Variants in PLCH1 observed in about 807,000 individuals in gnomAD.
The protein encoded by PLCH1 is phospholipase C eta 1.
PLCH1 carries 60 observed loss-of-function variants against 126.7 expected under a neutral mutation model. That is an observed-to-expected ratio of 0.47 (90% CI 0.38 to 0.59). The LOEUF (loss-of-function observed/expected upper bound fraction) is 0.59. Ranked by LOEUF, PLCH1 falls within the 20% of genes least tolerant of loss-of-function variation. PLCH1 has a pLI of 0.00. For synonymous variants in PLCH1, 719 were observed against 734.9 expected, an observed-to-expected ratio of 0.98 and a Z score of 0.35; for missense variants, 1,723 against 2,040.0, an observed-to-expected ratio of 0.84 and a Z score of 2.99.
intron 2 of PLCH1, among the ~76,000 whole-genome samples, chr3:155,688,458 A>C (rs561369361): frequency 2.0e-5 from 3 of 152,322 alleles, no homozygotes; most frequent in Admixed American, 6.5e-5. Context: ...GCAGAACAGA[A>C]GCCTACACCA....
intron 21 of PLCH1, among the ~76,000 whole-genome samples, chr3:155,453,088 TC>T (rs1712349348): frequency 6.6e-6 from 1 of 152,140 alleles, no homozygotes; most frequent in Non-Finnish European, 1.5e-5. Context: ...AGAAGAGCCC[TC>T]CTCACACCCA....
In PLCH1 at chr3:155,488,656, C is replaced by A; in HGVS notation, c.2539+4G>T. On this transcript the variant is annotated splice_donor_region_variant and intron_variant, in intron 20 of 22. Transcript: ENST00000460012. ...CTAGAGAGAAAAGGCCAGCTCATAC[C>A]TACCAGGCACTAAGCTGCTGAAGGT... 1.2e-6 allele frequency: 2 copies of A among 1,608,698 alleles called. No homozygotes were observed. The highest frequency in any genetic ancestry group is 1.7e-6 in the Non-Finnish European group (2 of 1,178,074).
chr3:155,505,512 G>T (rs1306095719), intron 12 of PLCH1, among the ~76,000 whole-genome samples: 2 of 152,172 alleles, frequency 1.3e-5, no homozygotes, highest in Non-Finnish European at 2.9e-5. Flanking sequence ...ATAAATGTGG[G>T]TGAGAAAAAA....
At chr3:155,640,462 G>A (rs933872914) in intron 2 of PLCH1, among the ~76,000 whole-genome samples, 2 of 152,302 alleles carry the variant, frequency 1.3e-5, no homozygotes, top group East Asian at 1.9e-4. Flanking sequence ...AGTGACCCAC[G>A]ATGGGATACT....
intron 2 of PLCH1, among the ~76,000 whole-genome samples, chr3:155,660,789 T>C (rs1459998670): frequency 6.6e-6 from 1 of 152,228 alleles, no homozygotes; most frequent in Non-Finnish European, 1.5e-5. Context: ...GAAAAATCCC[T>C]TGTTGAAAAA....
At chr3:155,598,528 G>A (rs1197513254) in intron 2 of PLCH1, among the ~76,000 whole-genome samples, 1 of 152,124 alleles carries the variant, frequency 6.6e-6, no homozygotes, top group Non-Finnish European at 1.5e-5. Flanking sequence ...ATTTCATAAG[G>A]TGAAGCAAAG....
Position 155,594,009 on chromosome 3 carries a change from G to A in PLCH1, c.402C>T (p.Gly134=). The change falls in exon 4 of 23, where the codon GGC becomes GGT. Residue 134 remains glycine (G), a synonymous_variant. Transcript: ENST00000460012. ...NPEEARTWIT[G]LKYLMAGISD... ...TGATGCCAGCCATCAGGTACTTGAG[G>A]CCTGTGATCCAGGTGCGGGCCTCCT... 2 of 1,614,028 alleles carry A rather than the reference G, an allele frequency of 1.2e-6. No homozygotes were observed. Among genetic ancestry groups the A allele is most frequent in the South Asian group, 2.2e-5 (2 of 91,072 alleles).
At chr3:155,475,122 C>T (rs1054574863), downstream of PLCH1, among the ~76,000 whole-genome samples, 15 of 150,820 alleles carry the variant, frequency 9.9e-5, no homozygotes. Context: ...AGCATCTTCT[C>T]TGAGCACAAT....
chr3:155,687,114 T>G (rs1366239415), intron 2 of PLCH1, among the ~76,000 whole-genome samples: 2 of 152,106 alleles, frequency 1.3e-5, no homozygotes, highest in African/African-American at 2.4e-5. Context: ...ATTTCAAAAA[T>G]GTAGCAAAGC....
intron 1 of PLCH1, among the ~76,000 whole-genome samples, chr3:155,707,397 C>A (rs358727): frequency 6.6e-6 from 1 of 151,958 alleles, no homozygotes; most frequent in Non-Finnish European, 1.5e-5. Flanking sequence ...ATAGAAACAG[C>A]GAAAGACAAG....
intron 10 of PLCH1, among the ~76,000 whole-genome samples, chr3:155,529,131 G>T (rs775911204): frequency 1.8e-4 from 27 of 152,288 alleles, no homozygotes; most frequent in Non-Finnish European, 2.9e-4. Context: ...AATGATCCAG[G>T]TGTCTTCCAG....
At chr3:155,496,926 T>C (rs1275977437) in intron 15 of PLCH1, among the ~76,000 whole-genome samples, 1 of 152,192 alleles carries the variant, frequency 6.6e-6, no homozygotes, top group Non-Finnish European at 1.5e-5. Flanking sequence ...CTTTTCAAGG[T>C]GTGATTTTAG....
Position 155,481,992 on chromosome 3 carries a change from T to C in PLCH1, c.4034A>G (p.Asn1345Ser), listed in dbSNP as rs891593559. ...TTCCACAAGGCTGCTCTCCCCAGAATTGAAACAGAGAGTGGGATCAGCTAT... is the reference window on the plus strand; with the variant it reads ...TTCCACAAGGCTGCTCTCCCCAGAACTGAAACAGAGAGTGGGATCAGCTAT... ...DVIADPTLCFNSGESSLVEID... is the reference protein window; with the variant it reads ...DVIADPTLCFSSGESSLVEID... Residue 1345 changes from asparagine to serine, a missense_variant, in exon 23 of 23, where the codon AAT (asparagine) becomes AGT (serine). Around this residue, in one of 2 missense-constraint regions of PLCH1, gnomAD observed 947 missense variants for 977.1 expected, o/e 0.97. Transcript: ENST00000460012. The surrounding 1 kb of genome is among the most constrained non-coding windows in gnomAD (Gnocchi z 4.2). The C allele has an allele frequency of 6.2e-6, 10 of 1,614,148 alleles. No homozygotes were observed. Among genetic ancestry groups the C allele is most frequent in the Non-Finnish European group, 7.6e-6 (9 of 1,180,012 alleles).
intron 21 of PLCH1, among the ~76,000 whole-genome samples, chr3:155,451,000 G>T (rs939056088): frequency 2.7e-4 from 41 of 152,046 alleles, no homozygotes; most frequent in Non-Finnish European, 5.7e-4. Context: ...ATACAGCAAA[G>T]CTGTTTAAAT....
intron 2 of PLCH1, among the ~76,000 whole-genome samples, chr3:155,607,758 A>G (rs1015913910): frequency 3.9e-5 from 6 of 152,196 alleles, no homozygotes; most frequent in Non-Finnish European, 2.9e-5. Flanking sequence ...ATTAATAAAA[A>G]TATCTTCAAA....
rs141808688 is a variant in PLCH1 at position 155,614,360 on chromosome 3, C to T, written c.80-17982G>A. 3.0e-3 allele frequency among the ~76,000 whole-genome samples: 453 copies of T among 152,132 alleles called. 2 individuals are homozygous for T. The highest frequency in any genetic ancestry group is 0.019 in the South Asian group (94 of 4,824). ...CAAAAGCAAGACTAAGTAGAAAGAA[C>T]AAATCTGGAGGCATCACATTACCCA... On this transcript the variant is annotated intron_variant, in intron 2 of 22. Transcript: ENST00000460012.
At chr3:155,619,498 T>TAAAAAAAAAAAAA (rs1553857946) in intron 2 of PLCH1, among the ~76,000 whole-genome samples, 1 of 133,518 alleles carries the variant, frequency 7.5e-6, no homozygotes. Context: ...ACAGAAAAAG[T>TAAAAAAAAAAAAA]AAAAAAAAAA....
intron 2 of PLCH1, among the ~76,000 whole-genome samples, chr3:155,618,578 T>C (rs762779496): frequency 6.6e-6 from 1 of 152,232 alleles, no homozygotes; most frequent in Non-Finnish European, 1.5e-5. Context: ...TAAAAGTCTG[T>C]TTGCCTTACA....
At chr3:155,465,108 CAAAAAAA>C (rs150847303) in intron 21 of PLCH1, among the ~76,000 whole-genome samples, 1 of 65,790 alleles carries the variant, frequency 1.5e-5, no homozygotes, top group Non-Finnish European at 3.4e-5. Flanking sequence ...GACTCTGTCT[CAAAAAAA>C]AAAAAAAAAA....
Sources: gnomAD v4.1 joint callset for allele counts (sites outside exome capture counted in the v4.1 genomes callset) on GRCh38, gnomAD v4.1.1 for gene constraint, gnomAD v4.1.1 regional missense constraint, Gnocchi (gnomAD v3.1) non-coding constraint, MANE v1.5 for transcripts, NCBI Gene and HGNC (gene_info 2026-07-23, HGNC 2026-07-21) for gene names.